MYH9: variants seen among roughly 807,000 people sequenced by gnomAD.
The protein encoded by MYH9 is myosin heavy chain 9.
In MYH9, 29 loss-of-function variants were observed where a neutral mutation model predicts 241.9. The observed-to-expected ratio is 0.12, with a 90% CI of 0.09 to 0.16. The LOEUF (loss-of-function observed/expected upper bound fraction) is 0.16, where lower values mean the gene tolerates loss of function less well. MYH9 is among the 10% of genes least tolerant of loss of function. The pLI is 1.00. For missense variants in MYH9, 1,803 were observed against 2,595.5 expected (o/e 0.69, Z 6.63); for synonymous variants, 1,047 against 1,062.6 (o/e 0.99, Z 0.29).
chr22:36,334,606 T>G (rs1056340097), intron 3 of MYH9, among the ~76,000 whole-genome samples: 1 of 152,148 alleles, frequency 6.6e-6, no homozygotes, highest in Non-Finnish European at 1.5e-5. Flanking sequence ...TTGGGGAGAT[T>G]CAAATGGCTG....
At chr22:36,315,980 G>A (rs5756146) in intron 12 of MYH9, among the ~76,000 whole-genome samples, 80,003 of 150,256 alleles carry the variant, frequency 0.53, 23,779 homozygotes, top group Non-Finnish European at 0.68. Flanking sequence ...AAAGGCTGCA[G>A]TGAGCTATGA....
rs140933307 is a variant in MYH9, at chr22:36,300,918, A to G, written c.2771T>C (p.Val924Ala). 10 of 1,606,656 alleles carry G rather than the reference A, an allele frequency of 6.2e-6. No individual in the cohort carries two copies. The African/African-American group carries it at 1.2e-4, about 19-fold the overall frequency. The change falls in exon 22 of 41, where the codon GTG becomes GCG. Residue 924 changes from valine (V) to alanine (A), a missense_variant. Around this residue, in one of 11 missense-constraint regions of MYH9, gnomAD observed 290 missense variants for 360.5 expected, o/e 0.80. Coordinates refer to ENST00000216181, the MANE Select transcript of MYH9 (RefSeq NM_002473.6). The surrounding 1 kb of genome is among the most constrained non-coding windows in gnomAD (Gnocchi z 5.0). ...EEICHDLEAR[V>A]EEEEERCQHL... ...CTGGCAGCGCTCCTCCTCCTCCTCC[A>G]CCCTGGCCTCTAGGTCATGGCAGAT... is the stretch of plus-strand genomic sequence containing the variant.
intron 1 of MYH9, among the ~76,000 whole-genome samples, chr22:36,386,782 T>A (rs1033980828): frequency 6.6e-5 from 10 of 152,180 alleles, no homozygotes; most frequent in African/African-American, 2.4e-4. Flanking sequence ...GGGGCTTCCC[T>A]GGAGAATGAG....
chr22:36,314,118 T>G (rs766676743), intron 13 of MYH9, 27 bp downstream of exon 13: 1 of 1,609,276 alleles, frequency 6.2e-7, no homozygotes, highest in Non-Finnish European at 8.5e-7. Flanking sequence ...GAGGCAGGTG[T>G]GAGGTCAAAG....
At chr22:36,307,628 C>T (rs960679907) in intron 15 of MYH9, among the ~76,000 whole-genome samples, 1 of 152,252 alleles carries the variant, frequency 6.6e-6, no homozygotes, top group Admixed American at 6.5e-5. Context: ...TGGCTCGCGC[C>T]TGTAATCCCA....
chr22:36,306,460 G>A lies in MYH9; in HGVS notation c.1991C>T (p.Thr664Met), dbSNP rs760820049. 13 of 1,614,030 alleles carry A rather than the reference G, an allele frequency of 8.1e-6. No individual in the cohort carries two copies. Among genetic ancestry groups the A allele is most frequent in the Non-Finnish European group, 1.1e-5 (13 of 1,180,048 alleles). ...GATGCAGCGGACAAAGTTGGGGTTCGTGTTCCTCAGCGTAGCCATCAGCTT... is the reference window on the plus strand; with the variant it reads ...GATGCAGCGGACAAAGTTGGGGTTCATGTTCCTCAGCGTAGCCATCAGCTT... ...LAKLMATLRN[T>M]NPNFVRCIIP... Residue 664 changes from threonine (T) to methionine (M), a missense_variant, in exon 16 of 41, where the codon ACG (threonine) becomes ATG (methionine). By Grantham distance (81) the Thr-to-Met change is moderately conservative (BLOSUM62 -1). Around this residue, in one of 11 missense-constraint regions of MYH9, gnomAD observed 163 missense variants for 349.7 expected, o/e 0.47. Coordinates refer to ENST00000216181, the MANE Select transcript of MYH9 (RefSeq NM_002473.6). The surrounding 1 kb of genome is among the most constrained non-coding windows in gnomAD (Gnocchi z 4.1).
intron 3 of MYH9, among the ~76,000 whole-genome samples, chr22:36,334,041 G>A (rs571431871): frequency 1.5e-4 from 23 of 151,556 alleles, no homozygotes; most frequent in Non-Finnish European, 3.2e-4. Context: ...TTTATCTCCC[G>A]CTCAGTGGGC....
chr22:36,371,943 C>T (rs940025120), intron 1 of MYH9, among the ~76,000 whole-genome samples: 14 of 151,828 alleles, frequency 9.2e-5, no homozygotes, highest in Admixed American at 5.9e-4. Flanking sequence ...TGTTTGTTTC[C>T]GCCACTAGAG....
intron 1 of MYH9, among the ~76,000 whole-genome samples, chr22:36,386,535 G>A (rs62228872): frequency 0.078 from 11,837 of 152,242 alleles, 496 homozygotes; most frequent in East Asian, 0.11. Flanking sequence ...CCCTTTCCAC[G>A]GTTACTCATC....
Position 36,293,231 on chromosome 22 carries a change from C to T in MYH9, c.4095+98G>A, listed in dbSNP as rs968014192. The T allele has an allele frequency of 2.8e-5, 42 of 1,518,198 alleles. No homozygotes were observed. The highest frequency in any genetic ancestry group is 1.1e-4 in the East Asian group (5 of 43,544). The allele number at this position is 1,518,198 out of a possible 1,614,324, so 94.0% of individuals were successfully genotyped here. A position where few individuals can be genotyped will look rare whatever the true frequency, so the allele number is the denominator to read the frequency against. On this transcript the variant is annotated intron_variant, in intron 30 of 40. Coordinates refer to ENST00000216181, the MANE Select transcript of MYH9 (RefSeq NM_002473.6). This position sits in a 1 kb window ranked among gnomAD's most constrained non-coding sequence, Gnocchi z 5.1. Reference sequence around the variant, plus strand: ...TCCCAGGGGGAGAGCAGCAATGGGCCGGCCCAGCGGGCAGGGCTGTCCTGC... The same window carrying T: ...TCCCAGGGGGAGAGCAGCAATGGGCTGGCCCAGCGGGCAGGGCTGTCCTGC...
In MYH9 at chr22:36,357,408, G is replaced by A. The variant is rs1052892819; in HGVS notation, c.-19-8153C>T. Among the ~76,000 whole-genome samples the A allele has an allele frequency of 6.6e-5, 10 of 152,144 alleles. No homozygotes were observed. The South Asian group carries it at 2.1e-3, about 31-fold the overall frequency. ...ATGCCACGGCACTATGGCTATCTGG[G>A]GCCAGAGAATCCTTTGTGGTGGGGC... On this transcript the variant is annotated intron_variant, in intron 1 of 40. Transcript: ENST00000216181.
rs1156741023 is a variant in MYH9, at chr22:36,305,264, T to C, written c.2160-162A>G. 6.6e-6 allele frequency among the ~76,000 whole-genome samples: 1 copy of C among 152,170 alleles called. No individual in the cohort carries two copies. Among genetic ancestry groups the C allele is most frequent in the Non-Finnish European group, 1.5e-5 (1 of 68,020 alleles). ...AAGACACAGGCAAATCCCACCCCACTCTTTTCTTCGGCTGAATGAGACAAG... is the reference window on the plus strand; with the variant it reads ...AAGACACAGGCAAATCCCACCCCACCCTTTTCTTCGGCTGAATGAGACAAG... On this transcript the variant is annotated intron_variant, in intron 17 of 40. Coordinates refer to ENST00000216181, the MANE Select transcript of MYH9 (RefSeq NM_002473.6). The surrounding 1 kb of genome is among the most constrained non-coding windows in gnomAD (Gnocchi z 4.7).
intron 1 of MYH9, among the ~76,000 whole-genome samples, chr22:36,367,041 G>A (rs1025468863): frequency 3.3e-5 from 5 of 152,178 alleles, no homozygotes; most frequent in Admixed American, 6.5e-5. Flanking sequence ...TGCATACCAC[G>A]TTAGGGGGCT....
chr22:36,288,281 C>T lies in MYH9; in HGVS notation c.4903G>A (p.Glu1635Lys), dbSNP rs1439083724. 1.9e-6 allele frequency: 3 copies of T among 1,614,114 alleles called. No individual in the cohort carries two copies. Among genetic ancestry groups the T allele is most frequent in the South Asian group, 1.1e-5 (1 of 91,086 alleles). ...AGCTTCCGCAGCTGTTTGATGGCTT[C>T]GTCCCGGTTCTTGTTGGCCGAGTCG... is the stretch of plus-strand genomic sequence containing the variant. The part of the protein sequence containing the change: ...HIDSANKNRD[E>K]AIKQLRKLQA... The change falls in exon 34 of 41, where the codon GAA becomes AAA. Residue 1635 changes from glutamate to lysine, a missense_variant. Physicochemically the swap from Glu to Lys is moderately conservative, Grantham distance 56. Coordinates refer to ENST00000216181, the MANE Select transcript of MYH9 (RefSeq NM_002473.6). The surrounding 1 kb of genome is among the most constrained non-coding windows in gnomAD (Gnocchi z 4.8).
chr22:36,331,052 G>C (rs1208451813), intron 3 of MYH9, among the ~76,000 whole-genome samples: 2 of 152,184 alleles, frequency 1.3e-5, no homozygotes, highest in Admixed American at 6.5e-5. Flanking sequence ...GGTGGAGACA[G>C]GGTTCCTCAG....
intron 1 of MYH9, among the ~76,000 whole-genome samples, chr22:36,377,378 C>T (rs149172547): frequency 2.6e-5 from 4 of 152,058 alleles, no homozygotes; most frequent in Admixed American, 1.3e-4. Flanking sequence ...ATAGACAACT[C>T]TAAATAAAGG....
intron 24 of MYH9, among the ~76,000 whole-genome samples, chr22:36,298,133 G>C (rs1159241603): frequency 6.6e-6 from 1 of 152,116 alleles, no homozygotes; most frequent in East Asian, 1.9e-4. Context: ...AGATGTGAGG[G>C]GGCCGGACAA....
At chr22:36,335,460 T>C (rs995319884) in intron 3 of MYH9, among the ~76,000 whole-genome samples, 6 of 152,150 alleles carry the variant, frequency 3.9e-5, no homozygotes, top group African/African-American at 9.7e-5. Context: ...AGCAGAGTCA[T>C]CCCATCTGTG....
chr22:36,352,190 G>A (rs750570075), intron 1 of MYH9, among the ~76,000 whole-genome samples: 14 of 152,216 alleles, frequency 9.2e-5, no homozygotes, highest in Non-Finnish European at 7.3e-5. Context: ...CCCACGAGCT[G>A]AGTGTGATGT....
Sources: allele counts gnomAD v4.1 joint callset (sites outside exome capture counted in the v4.1 genomes callset), GRCh38; gene constraint gnomAD v4.1.1; regional missense constraint gnomAD v4.1.1; non-coding constraint Gnocchi (gnomAD v3.1); transcripts MANE v1.5; gene names NCBI Gene and HGNC (gene_info 2026-07-23, HGNC 2026-07-21).